Variants in ZNF577 observed in about 807,000 individuals in gnomAD.
ZNF577 encodes the protein zinc finger protein 577.
In ZNF577, 14 loss-of-function variants were observed where a neutral mutation model predicts 13.9. The ratio of observed to expected loss-of-function variants is 1.00; its 90% CI spans 0.66 to 1.57. The LOEUF (loss-of-function observed/expected upper bound fraction) is 1.57. ZNF577 is among the 40% of genes most tolerant of loss of function. The pLI is 0.00. For missense variants in ZNF577, 555 were observed against 579.2 expected (o/e 0.96, Z 0.43); for synonymous variants, 203 against 202.9 (o/e 1.00, Z 0.00).
intron 1 of ZNF577, among the ~76,000 whole-genome samples, chr19:51,885,196 AT>A (rs2084924721): frequency 1.3e-5 from 2 of 152,306 alleles, no homozygotes; most frequent in South Asian, 4.1e-4. Flanking sequence ...TTTGTAAATA[AT>A]GTTTTATCAG....
rs768724344 is a variant in ZNF577 at position 51,824,044 on chromosome 19, A to G, written c.*600-12370T>C. The G allele has an allele frequency of 1.2e-6, 2 of 1,613,996 alleles. No individual in the cohort carries two copies. The highest frequency in any genetic ancestry group is 1.7e-6 in the Non-Finnish European group (2 of 1,179,976). On this transcript the variant is annotated intron_variant and NMD_transcript_variant, in intron 9 of 10. Transcript: ENST00000638827. This position sits in a 1 kb window ranked among gnomAD's most constrained non-coding sequence, Gnocchi z 4.7. ...TGGCCTTTTGGCTCATTCCTATGTA[A>G]GTTAGTTCATGTTATGATAGACATC... is the stretch of plus-strand genomic sequence containing the variant.
chr19:51,815,756 G>C (rs1286520884), intron 9 of ZNF577, among the ~76,000 whole-genome samples: 2 of 151,824 alleles, frequency 1.3e-5, no homozygotes, highest in African/African-American at 4.8e-5. Context: ...CACTACTTAG[G>C]AGGCTGAGGC....
intron 5 of ZNF577, among the ~76,000 whole-genome samples, chr19:51,847,253 C>CA (rs1438287562): frequency 2.0e-5 from 3 of 152,104 alleles, no homozygotes; most frequent in African/African-American, 7.2e-5. Context: ...AATTCTTCGA[C>CA]ATAAGATATT....
At chr19:51,823,640 G>C (rs781047846) in intron 9 of ZNF577, 12 of 917,230 alleles carry the variant, frequency 1.3e-5, no homozygotes, top group Non-Finnish European at 1.8e-5. Context: ...ACTGGGGAGG[G>C]TCTGCTGGTA....
rs766687180 is a variant in ZNF577, at chr19:51,877,430, A to C, written c.188-53T>G. 14 of 1,427,790 alleles carry C rather than the reference A, an allele frequency of 9.8e-6. No individual in the cohort carries two copies. In the East Asian group the frequency reaches 3.2e-4, roughly 33 times the overall value. 88.4% of individuals were successfully genotyped at this position (1,427,790 alleles called of 1,614,324 possible). A position where few individuals can be genotyped will look rare whatever the true frequency, so the allele number is the denominator to read the frequency against. On this transcript the variant is annotated intron_variant, in intron 4 of 5. Coordinates refer to ENST00000638348, the MANE Select transcript of ZNF577 (RefSeq NM_001370449.1). ...GGCACGTGTGCTTGGGGAATGGATG[A>C]AGATGGAGAGGGTTATGTCTCAGGA...
Position 51,832,183 on chromosome 19 carries a change from G to A in ZNF577, c.*599+7710C>T, listed in dbSNP as rs1007401320. ...ACATTCATCTGTCATTTTTCAGTGAGAAAGAGAGTGGGTATCCAGAAAATG... is the reference window on the plus strand; with the variant it reads ...ACATTCATCTGTCATTTTTCAGTGAAAAAGAGAGTGGGTATCCAGAAAATG... On this transcript the variant is annotated intron_variant and NMD_transcript_variant, in intron 9 of 10. Coordinates refer to the ZNF577 transcript ENST00000638827. 4.6e-5 allele frequency among the ~76,000 whole-genome samples: 7 copies of A among 152,060 alleles called. No individual in the cohort carries two copies. In the South Asian group the frequency reaches 6.2e-4, roughly 13 times the overall value.
chr19:51,856,716 G>C (rs2122580888), intron 5 of ZNF577, among the ~76,000 whole-genome samples: 1 of 152,246 alleles, frequency 6.6e-6, no homozygotes, highest in Non-Finnish European at 1.5e-5. Flanking sequence ...TTTAAGACGA[G>C]AAACTTGGTG....
At chr19:51,805,783 T>C (rs1450458110) in intron 10 of ZNF577, among the ~76,000 whole-genome samples, 3 of 152,196 alleles carry the variant, frequency 2.0e-5, no homozygotes, top group Non-Finnish European at 4.4e-5. Flanking sequence ...GTTATTAGTG[T>C]GACCAAGGAA....
intron 9 of ZNF577, among the ~76,000 whole-genome samples, chr19:51,813,119 A>AACACAC (rs35245083): frequency 0.014 from 1,944 of 137,164 alleles, 34 homozygotes; most frequent in Admixed American, 0.029. Flanking sequence ...GCTCTGTCTC[A>AACACAC]ACACACACAC....
At chr19:51,845,563 T>C (rs1161894992) in intron 5 of ZNF577, among the ~76,000 whole-genome samples, 9 of 152,188 alleles carry the variant, frequency 5.9e-5, no homozygotes. Context: ...ATAGATCTCT[T>C]AAACATAAAA....
chr19:51,826,138 T>C (rs1295191290), intron 9 of ZNF577: 1 of 152,896 alleles, frequency 6.5e-6, no homozygotes, highest in African/African-American at 2.4e-5. Flanking sequence ...TAGATTAAGT[T>C]TTCAATGTTA....
At chr19:51,813,525 G>C (rs1321751120) in intron 9 of ZNF577, among the ~76,000 whole-genome samples, 1 of 151,966 alleles carries the variant, frequency 6.6e-6, no homozygotes, top group Non-Finnish European at 1.5e-5. Context: ...TTATAAAGGA[G>C]GATGGGATGT....
intron 5 of ZNF577, among the ~76,000 whole-genome samples, chr19:51,874,935 A>C (rs1182193482): frequency 6.6e-6 from 1 of 152,230 alleles, no homozygotes; most frequent in Admixed American, 6.5e-5. Flanking sequence ...TATGTGGCTT[A>C]AAACACCTAT....
In ZNF577 at chr19:51,813,457, T is replaced by C. The variant is rs1208422261; in HGVS notation, c.*600-1783A>G. 3.3e-5 allele frequency among the ~76,000 whole-genome samples: 5 copies of C among 152,050 alleles called. No individual in the cohort carries two copies. The East Asian group carries it at 9.7e-4, about 29-fold the overall frequency. On this transcript the variant is annotated intron_variant and NMD_transcript_variant, in intron 9 of 10. Transcript: ENST00000638827. ...TTTGGCCCAGGGAATGATCTAAGGA[T>C]GTCATGTTTCAGTGGTGAAAGATAA...
chr19:51,875,329 C>T (rs1243232086), intron 5 of ZNF577, among the ~76,000 whole-genome samples: 1 of 144,748 alleles, frequency 6.9e-6, no homozygotes, highest in South Asian at 2.2e-4. Context: ...GGCCACTGCA[C>T]TCCAACCTGG....
intron 1 of ZNF577, among the ~76,000 whole-genome samples, chr19:51,882,057 C>G (rs543486584): frequency 1.3e-5 from 2 of 152,244 alleles, no homozygotes; most frequent in South Asian, 4.1e-4. Flanking sequence ...ATCCTGAGAC[C>G]GCTTCATCCC....
chr19:51,828,298 G>A (rs1343511654), intron 9 of ZNF577, among the ~76,000 whole-genome samples: 1 of 151,818 alleles, frequency 6.6e-6, no homozygotes, highest in African/African-American at 2.4e-5. Context: ...AACCTGGGAG[G>A]TGAAGGTTGC....
At chr19:51,857,652 C>T (rs1284280612) in intron 5 of ZNF577, among the ~76,000 whole-genome samples, 2 of 152,140 alleles carry the variant, frequency 1.3e-5, no homozygotes, top group African/African-American at 2.4e-5. Flanking sequence ...GAACCTCATC[C>T]ACCCACCAGC....
At chr19:51,816,758 C>T (rs2084140195) in intron 9 of ZNF577, among the ~76,000 whole-genome samples, 1 of 152,064 alleles carries the variant, frequency 6.6e-6, no homozygotes, top group South Asian at 2.1e-4. Context: ...TTAACTTGTG[C>T]GATCTGATGC....
Sources: gnomAD v4.1 joint callset for allele counts (sites outside exome capture counted in the v4.1 genomes callset) on GRCh38, gnomAD v4.1.1 for gene constraint, Gnocchi (gnomAD v3.1) non-coding constraint, MANE v1.5 for transcripts, NCBI Gene and HGNC (gene_info 2026-07-23, HGNC 2026-07-21) for gene names.